The following SNTG1 variants were observed in gnomAD, a reference collection of about 807,000 sequenced individuals.
SNTG1 encodes syntrophin gamma 1, also known as gamma-1-syntrophin.
Under a neutral mutation model 74.7 loss-of-function variants are expected in SNTG1, and 39 were observed. The observed-to-expected ratio is 0.52, with a 90% CI of 0.40 to 0.68. The LOEUF (loss-of-function observed/expected upper bound fraction) is 0.68. Among genes scored for constraint, SNTG1 ranks in the 30% least tolerant of loss-of-function variants. SNTG1 has a pLI of 0.00. For synonymous variants in SNTG1, 254 were observed against 217.1 expected, an observed-to-expected ratio of 1.17 and a Z score of -1.49; for missense variants, 685 against 609.5, an observed-to-expected ratio of 1.12 and a Z score of -1.30.
intron 2 of SNTG1, among the ~76,000 whole-genome samples, chr8:50,215,144 G>C (rs899101720): frequency 6.6e-6 from 1 of 152,002 alleles, no homozygotes; most frequent in Non-Finnish European, 1.5e-5. Flanking sequence ...CTGTCTCCTA[G>C]GGCAGGAACC....
At chr8:50,670,216 A>G (rs2095273138) in intron 15 of SNTG1, among the ~76,000 whole-genome samples, 1 of 152,216 alleles carries the variant, frequency 6.6e-6, no homozygotes. Context: ...AGAAGGAAAT[A>G]AAGGGTATTC....
intron 2 of SNTG1, among the ~76,000 whole-genome samples, chr8:50,377,199 A>T (rs2092403932): frequency 6.6e-6 from 1 of 152,122 alleles, no homozygotes; most frequent in South Asian, 2.1e-4. Flanking sequence ...AAATGGTAAA[A>T]TCTAGGCACT....
At chr8:50,196,622 C>T (rs748835232) in intron 2 of SNTG1, among the ~76,000 whole-genome samples, 76 of 151,732 alleles carry the variant, frequency 5.0e-4, no homozygotes, top group Non-Finnish European at 9.4e-4. Flanking sequence ...TTGTTTGGGG[C>T]CAGACTTGGC....
chr8:50,730,632 C>A (rs1240791308), intron 17 of SNTG1, among the ~76,000 whole-genome samples: 1 of 152,126 alleles, frequency 6.6e-6, no homozygotes, highest in Non-Finnish European at 1.5e-5. Flanking sequence ...TATAGACATT[C>A]ATAAGGATAT....
At chr8:50,772,797 G>T (rs1481401843) in intron 18 of SNTG1, among the ~76,000 whole-genome samples, 4 of 152,070 alleles carry the variant, frequency 2.6e-5, no homozygotes, top group Admixed American at 2.6e-4. Flanking sequence ...TTAATTCCCT[G>T]CTGCAAAGGT....
chr8:49,914,084 T>G (rs1016936663), intron 1 of SNTG1, among the ~76,000 whole-genome samples: 2 of 152,180 alleles, frequency 1.3e-5, no homozygotes, highest in African/African-American at 4.8e-5. Context: ...GAAATGTCCT[T>G]ACATTGAGAT....
chr8:50,656,855 A>C, intron 13 of SNTG1, 54 bp from the exon 14 acceptor site: 5 of 1,065,568 alleles, frequency 4.7e-6, no homozygotes, highest in Non-Finnish European at 7.2e-6. Context: ...TTTTAGATAT[A>C]AGATATCTAA....
At chr8:50,504,944 C>G (rs949422233) in intron 9 of SNTG1, among the ~76,000 whole-genome samples, 1 of 152,052 alleles carries the variant, frequency 6.6e-6, no homozygotes, top group African/African-American at 2.4e-5. Flanking sequence ...TCACCAGAAA[C>G]TTTTGATATT....
At chr8:50,167,506 A>T (rs1020202305) in intron 1 of SNTG1, among the ~76,000 whole-genome samples, 4 of 151,694 alleles carry the variant, frequency 2.6e-5, no homozygotes, top group African/African-American at 4.8e-5. Context: ...CTGATAAGAA[A>T]ATATATTTGG....
intron 10 of SNTG1, 67 bp downstream of exon 10, chr8:50,530,326 G>C (rs1024822419): frequency 1.4e-6 from 2 of 1,421,328 alleles, no homozygotes; most frequent in Non-Finnish European, 2.0e-6. Context: ...AACTGCTAGT[G>C]AATCTGATTT....
chr8:50,598,434 T>G (rs2094747151), intron 13 of SNTG1, among the ~76,000 whole-genome samples: 1 of 152,004 alleles, frequency 6.6e-6, no homozygotes, highest in South Asian at 2.1e-4. Flanking sequence ...GTTCCATTGG[T>G]TTATGTATCT....
At chr8:50,235,874 A>T (rs2085866436) in intron 2 of SNTG1, among the ~76,000 whole-genome samples, 1 of 151,758 alleles carries the variant, frequency 6.6e-6, no homozygotes, top group South Asian at 2.1e-4. Flanking sequence ...ACTTCAGCCA[A>T]AAAAAAAGAA....
rs776935628 is a variant in SNTG1 at position 50,704,705 on chromosome 8, G to C, written c.1144G>C (p.Glu382Gln). The C allele has an allele frequency of 5.6e-6, 9 of 1,614,034 alleles. No homozygotes were observed. In the Admixed American group the frequency reaches 1.5e-4, roughly 27 times the overall value. The part of the protein sequence containing the change: ...VELESDLAQW[E>Q]RAFQTATFLE... ...GCTGGAAAGTGACCTCGCCCAGTGG[G>C]AAAGAGCCTTCCAGACAGCAACCTT... The change falls in exon 16 of 19, where the codon GAA becomes CAA. Residue 382 changes from glutamate to glutamine, a missense_variant. Transcript: ENST00000642720.
chr8:50,251,781 A>C (rs571199971), intron 2 of SNTG1, among the ~76,000 whole-genome samples: 1 of 152,202 alleles, frequency 6.6e-6, no homozygotes, highest in South Asian at 2.1e-4. Flanking sequence ...TCAGCTTCAC[A>C]TTTTCAGCAA....
chr8:50,562,872 C>T (rs771942688), intron 12 of SNTG1, among the ~76,000 whole-genome samples: 7 of 152,108 alleles, frequency 4.6e-5, no homozygotes, highest in Non-Finnish European at 8.8e-5. Context: ...ACTAGAGTTC[C>T]TAAATACTTA....
chr8:50,701,618 C>CTTCTTCTTCTTCTTCTTCTTCTTCCTCTT (rs201341360), intron 15 of SNTG1, among the ~76,000 whole-genome samples: 1 of 136,890 alleles, frequency 7.3e-6, no homozygotes, highest in Non-Finnish European at 1.5e-5. Flanking sequence ...TCTTCTTCTT[C>CTTCTTCTTCTTCTTCTTCTTCTTCCTCTT]GTGTTCCTCT....
At chr8:50,729,666 C>A (rs950019266) in intron 17 of SNTG1, among the ~76,000 whole-genome samples, 1 of 152,046 alleles carries the variant, frequency 6.6e-6, no homozygotes, top group Non-Finnish European at 1.5e-5. Flanking sequence ...GTAGTATTCA[C>A]GGCAGAGAAA....
At chr8:50,601,804 G>A (rs2094777119) in intron 13 of SNTG1, among the ~76,000 whole-genome samples, 1 of 151,920 alleles carries the variant, frequency 6.6e-6, no homozygotes. Context: ...TGGGTGCTTT[G>A]GTACTGGGTG....
chr8:50,206,978 T>C (rs1356120627), intron 2 of SNTG1, among the ~76,000 whole-genome samples: 1 of 152,192 alleles, frequency 6.6e-6, no homozygotes, highest in African/African-American at 2.4e-5. Context: ...CAGTATTTTA[T>C]TGAGGATTTT....
Sources: gnomAD v4.1 joint callset for allele counts (sites outside exome capture counted in the v4.1 genomes callset) on GRCh38, gnomAD v4.1.1 for gene constraint, MANE v1.5 for transcripts, NCBI Gene and HGNC (gene_info 2026-07-23, HGNC 2026-07-21) for gene names.